TET3: variants seen among roughly 807,000 people sequenced by gnomAD.
The protein encoded by TET3 is methylcytosine dioxygenase TET3.
A neutral mutation model predicts 141.4 loss-of-function variants in TET3; 19 were observed. The observed-to-expected ratio is 0.13, with a 90% CI of 0.09 to 0.20. The LOEUF is 0.20. TET3 is among the 10% of genes least tolerant of loss of function. TET3 has a pLI of 1.00. For synonymous variants in TET3, 1,043 were observed against 980.9 expected, an observed-to-expected ratio of 1.06 and a Z score of -1.18; for missense variants, 1,874 against 2,356.9, an observed-to-expected ratio of 0.80 and a Z score of 4.24.
At chr2:74,129,500 G>T in the TET3 span, among the ~76,000 whole-genome samples, 1 of 151,388 alleles carries the variant, frequency 6.6e-6, no homozygotes. Context: ...AGGAGTGGTG[G>T]CAGGCACCTG....
chr2:74,098,216 T>C (rs1251069185), intron 10 of TET3, among the ~76,000 whole-genome samples: 1 of 152,178 alleles, frequency 6.6e-6, no homozygotes, highest in African/African-American at 2.4e-5. Context: ...TCTTACAAAA[T>C]TTAGCTAAAA....
At chr2:74,110,620 A>C (rs1691679944), downstream of TET3, among the ~76,000 whole-genome samples, 1 of 152,084 alleles carries the variant, frequency 6.6e-6, no homozygotes, top group African/African-American at 2.4e-5. Context: ...TAAATTCTAG[A>C]TACCCCCCAG....
chr2:73,985,355 C>T (rs1233510411), intron 1 of TET3, among the ~76,000 whole-genome samples, 198 bp downstream of exon 1: 2 of 142,496 alleles, frequency 1.4e-5, no homozygotes, highest in Non-Finnish European at 3.1e-5. Flanking sequence ...GGGGCGGGGG[C>T]TGCGAAGCCG....
chr2:74,079,526 A>T lies in TET3; in HGVS notation c.2586-972A>T, dbSNP rs148067262. Among the ~76,000 whole-genome samples the T allele has an allele frequency of 5.0e-3, 755 of 152,342 alleles. 3 individuals are homozygous for T. The highest frequency in any genetic ancestry group is 0.017 in the African/African-American group (719 of 41,580). ...GATTCTGTAAGATGGCGTTTACATTATTAAAAATAATTACTGTTTATTGGA... is the reference window on the plus strand; with the variant it reads ...GATTCTGTAAGATGGCGTTTACATTTTTAAAAATAATTACTGTTTATTGGA... On this transcript the variant is annotated intron_variant, in intron 5 of 11. Coordinates refer to ENST00000409262, the MANE Select transcript of TET3 (RefSeq NM_001287491.2).
intron 3 of TET3, among the ~76,000 whole-genome samples, chr2:74,040,359 C>A (rs1197884489): frequency 6.6e-6 from 1 of 151,926 alleles, no homozygotes; most frequent in Admixed American, 6.5e-5. Context: ...ATTGGGAAGG[C>A]AGGGATGGAA....
At chr2:74,086,981 C>T (rs1489751878) in intron 6 of TET3, among the ~76,000 whole-genome samples, 1 of 152,080 alleles carries the variant, frequency 6.6e-6, no homozygotes, top group African/African-American at 2.4e-5. Context: ...CTCCATTCTC[C>T]CCTTTCCCAG....
At chr2:74,012,609 T>G in intron 3 of TET3, among the ~76,000 whole-genome samples, 1 of 152,366 alleles carries the variant, frequency 6.6e-6, no homozygotes, top group East Asian at 1.9e-4. Flanking sequence ...ATATCTGACA[T>G]TAGAGCTGAT....
chr2:74,046,261 C>G lies in TET3; in HGVS notation c.361-17C>G. 1.4e-6 allele frequency: 2 copies of G among 1,481,138 alleles called. No individual in the cohort carries two copies. The highest frequency in any genetic ancestry group is 1.8e-6 in the Non-Finnish European group (2 of 1,116,034). 91.7% of individuals were successfully genotyped at this position (1,481,138 alleles called of 1,614,324 possible). The stretch of plus-strand genomic sequence containing the variant: ...TGGTTCATTTTTTTCCTTTTTCCCC[C>G]TTCTCTCTCTCTTTAGACAGGCTCA... On this transcript the variant is annotated splice_polypyrimidine_tract_variant and intron_variant, in intron 3 of 11. Coordinates refer to ENST00000409262, the MANE Select transcript of TET3 (RefSeq NM_001287491.2). The surrounding 1 kb of genome is among the most constrained non-coding windows in gnomAD (Gnocchi z 4.3).
At chr2:74,030,214 C>T (rs1686604772) in intron 3 of TET3, among the ~76,000 whole-genome samples, 1 of 152,182 alleles carries the variant, frequency 6.6e-6, no homozygotes, top group African/African-American at 2.4e-5. Flanking sequence ...TGAGTGACAT[C>T]TCATAATTCT....
intron 3 of TET3, among the ~76,000 whole-genome samples, chr2:74,006,234 A>G (rs1685144456): frequency 6.6e-6 from 1 of 152,202 alleles, no homozygotes; most frequent in Admixed American, 6.5e-5. Context: ...GCTTGGGAAG[A>G]TATGGAAGCA....
chr2:74,021,442 A>G (rs558985919), intron 3 of TET3, among the ~76,000 whole-genome samples: 2 of 152,384 alleles, frequency 1.3e-5, no homozygotes, highest in African/African-American at 4.8e-5. Context: ...TTGGCGTTTC[A>G]GAGAGCATCA....
At chr2:74,018,060 C>T (rs1441139834) in intron 3 of TET3, among the ~76,000 whole-genome samples, 5 of 151,286 alleles carry the variant, frequency 3.3e-5, no homozygotes, top group African/African-American at 4.9e-5. Context: ...CTCCTCCTCC[C>T]GGATTCAAGC....
chr2:74,119,504 G>A, the TET3 span, among the ~76,000 whole-genome samples: 1 of 152,146 alleles, frequency 6.6e-6, no homozygotes, highest in Admixed American at 6.5e-5. Flanking sequence ...TGTTCTTCCT[G>A]TTCCTCACAC....
intron 10 of TET3, 59 bp from the exon 11 acceptor site, chr2:74,099,215 CCT>C (rs768560713): frequency 2.7e-6 from 4 of 1,455,360 alleles, no homozygotes; most frequent in East Asian, 5.0e-5. Flanking sequence ...TGCTCAGACC[CCT>C]CTCTCCCAGC....
At chr2:74,114,995 A>T in the TET3 span, among the ~76,000 whole-genome samples, 1 of 152,030 alleles carries the variant, frequency 6.6e-6, no homozygotes, top group Non-Finnish European at 1.5e-5. Context: ...CAAACAATAA[A>T]ACTACTAGAA....
At position 74,101,262 on chromosome 2, in the gene TET3, C is replaced by T. The variant is rs775046144; in HGVS notation, c.4474C>T (p.Leu1492=). The part of the protein sequence containing the change: ...PSHFTDGQWG[L]FPGEGQQAAS... ...CCACTTCACAGATGGCCAGTGGGGGCTGTTCCCCGGTGAGGGGCAGCAGGC... is the reference window on the plus strand; with the variant it reads ...CCACTTCACAGATGGCCAGTGGGGGTTGTTCCCCGGTGAGGGGCAGCAGGC... The change falls in exon 12 of 12, where the codon CTG becomes TTG. Residue 1492 remains leucine (L), a synonymous_variant. Coordinates refer to ENST00000409262, the MANE Select transcript of TET3 (RefSeq NM_001287491.2). The surrounding 1 kb of genome is among the most constrained non-coding windows in gnomAD (Gnocchi z 8.5). 6.2e-7 allele frequency: 1 copy of T among 1,612,514 alleles called. No individual in the cohort carries two copies. Among genetic ancestry groups the T allele is most frequent in the South Asian group, 1.1e-5 (1 of 90,778 alleles).
chr2:74,092,794 TC>T, intron 8 of TET3, 107 bp from the exon 9 acceptor site: 1 of 941,440 alleles, frequency 1.1e-6, no homozygotes, highest in Non-Finnish European at 1.7e-6. Context: ...TGATAACACC[TC>T]CCTCCCAGCC....
At chr2:74,098,734 C>T (rs536456205) in intron 10 of TET3, among the ~76,000 whole-genome samples, 22 of 152,150 alleles carry the variant, frequency 1.4e-4, no homozygotes, top group Middle Eastern at 3.4e-3. Context: ...GCTGGGATTA[C>T]AGGCGCATGC....
the TET3 span, among the ~76,000 whole-genome samples, chr2:74,115,305 TAA>T: frequency 6.6e-6 from 1 of 152,166 alleles, no homozygotes; most frequent in African/African-American, 2.4e-5. Context: ...ATGATTATCC[TAA>T]GTTTCTCAGG....
Sources: gnomAD v4.1 joint callset for allele counts (sites outside exome capture counted in the v4.1 genomes callset) on GRCh38, gnomAD v4.1.1 for gene constraint, Gnocchi (gnomAD v3.1) non-coding constraint, MANE v1.5 for transcripts, NCBI Gene and HGNC (gene_info 2026-07-23, HGNC 2026-07-21) for gene names.